MARCHF8: variants seen among roughly 807,000 people sequenced by gnomAD.
The protein encoded by MARCHF8 is membrane associated ring-CH-type finger 8, also known as E3 ubiquitin-protein ligase MARCHF8.
Under a neutral mutation model 51.6 loss-of-function variants are expected in MARCHF8, and 40 were observed. The ratio of observed to expected loss-of-function variants is 0.77; its 90% CI spans 0.60 to 1.01. The LOEUF (loss-of-function observed/expected upper bound fraction) is 1.01, where lower values mean the gene tolerates loss of function less well. Among genes scored for constraint, MARCHF8 ranks in the 50% least tolerant of loss-of-function variants. MARCHF8 has a pLI of 0.00. For synonymous variants in MARCHF8, 263 were observed against 280.3 expected (o/e 0.94, Z 0.62); for missense variants, 685 against 708.6 (o/e 0.97, Z 0.38).
intron 1 of MARCHF8, among the ~76,000 whole-genome samples, chr10:45,547,141 G>A (rs2044136095): frequency 6.6e-6 from 1 of 152,114 alleles, no homozygotes; most frequent in African/African-American, 2.4e-5. Context: ...AAGCAATGCT[G>A]AAAATAAGTG....
upstream of MARCHF8, among the ~76,000 whole-genome samples, chr10:45,536,352 C>T (rs1164193692): frequency 6.6e-6 from 1 of 151,800 alleles, no homozygotes; most frequent in African/African-American, 2.4e-5. Context: ...TAGCCACATG[C>T]AAAAGAAATT....
chr10:45,472,642 T>G (rs2042714049), intron 3 of MARCHF8, among the ~76,000 whole-genome samples: 1 of 152,086 alleles, frequency 6.6e-6, no homozygotes, highest in Non-Finnish European at 1.5e-5. Context: ...AGAATGAGAG[T>G]GAAAAATGGA....
At chr10:45,483,884 G>C (rs2042933149) in intron 3 of MARCHF8, among the ~76,000 whole-genome samples, 1 of 152,322 alleles carries the variant, frequency 6.6e-6, no homozygotes, top group African/African-American at 2.4e-5. Context: ...ATAGGTACTA[G>C]AGGCTGGGAA....
chr10:45,546,055 AT>A (rs1303288692), intron 1 of MARCHF8, among the ~76,000 whole-genome samples: 2 of 152,222 alleles, frequency 1.3e-5, no homozygotes, highest in Non-Finnish European at 2.9e-5. Flanking sequence ...TCTGATGCAA[AT>A]TTTGTTATTT....
At chr10:45,484,273 A>C (rs1253223378) in intron 3 of MARCHF8, among the ~76,000 whole-genome samples, 1 of 152,260 alleles carries the variant, frequency 6.6e-6, no homozygotes, top group Non-Finnish European at 1.5e-5. Flanking sequence ...AAAATGATTA[A>C]GCAAACAGCA....
At chr10:45,550,107 C>T (rs2044177952) in intron 1 of MARCHF8, among the ~76,000 whole-genome samples, 1 of 152,164 alleles carries the variant, frequency 6.6e-6, no homozygotes, top group Admixed American at 6.5e-5. Flanking sequence ...GTTTTCGCTG[C>T]TTTTTCCTCT....
At chr10:45,493,785 TTG>T (rs1387708414) in intron 2 of MARCHF8, among the ~76,000 whole-genome samples, 1 of 152,212 alleles carries the variant, frequency 6.6e-6, no homozygotes, top group Non-Finnish European at 1.5e-5. Flanking sequence ...TTTTGTTTGT[TTG>T]TTTTTAAGAC....
At chr10:45,510,994 A>C (rs2043489303) in intron 2 of MARCHF8, among the ~76,000 whole-genome samples, 1 of 152,204 alleles carries the variant, frequency 6.6e-6, no homozygotes. Context: ...GTTATGAAAA[A>C]ATGGATTTAT....
chr10:45,560,413 G>A (rs893241891), intron 1 of MARCHF8, among the ~76,000 whole-genome samples: 2 of 152,316 alleles, frequency 1.3e-5, no homozygotes, highest in Admixed American at 6.5e-5. Context: ...AGTTTACTTA[G>A]GCCTCCGAAC....
At chr10:45,541,708 C>T (rs2044055171) in intron 1 of MARCHF8, among the ~76,000 whole-genome samples, 1 of 151,580 alleles carries the variant, frequency 6.6e-6, no homozygotes, top group Non-Finnish European at 1.5e-5. Flanking sequence ...ATAAACATTA[C>T]AATCATATAA....
At chr10:45,503,086 T>C (rs1241272776) in intron 2 of MARCHF8, among the ~76,000 whole-genome samples, 1 of 152,222 alleles carries the variant, frequency 6.6e-6, no homozygotes, top group Non-Finnish European at 1.5e-5. Flanking sequence ...AGCAAAATAC[T>C]GATTCTAAAT....
At chr10:45,558,274 G>T (rs2044273883) in intron 1 of MARCHF8, among the ~76,000 whole-genome samples, 2 of 152,278 alleles carry the variant, frequency 1.3e-5, no homozygotes, top group South Asian at 4.1e-4. Context: ...AGGGGGCAGG[G>T]ATCTTGGGGA....
intron 1 of MARCHF8, among the ~76,000 whole-genome samples, chr10:45,572,613 G>C (rs532003152): frequency 6.6e-6 from 1 of 152,128 alleles, no homozygotes; most frequent in African/African-American, 2.4e-5. Context: ...TGACGTCCAG[G>C]CATTCTTTTA....
At chr10:45,538,972 T>C (rs1293162304), upstream of MARCHF8, among the ~76,000 whole-genome samples, 3 of 152,294 alleles carry the variant, frequency 2.0e-5, no homozygotes, top group South Asian at 2.1e-4. Context: ...GCGGACCTAA[T>C]AGACATCTAC....
chr10:45,480,593 T>C (rs2042868261), intron 3 of MARCHF8, among the ~76,000 whole-genome samples: 2 of 152,194 alleles, frequency 1.3e-5, no homozygotes, highest in South Asian at 4.1e-4. Flanking sequence ...AGCCAGGGTA[T>C]AGTTCAGGTC....
chr10:45,477,945 G>C (rs762732954), intron 3 of MARCHF8, among the ~76,000 whole-genome samples: 4 of 152,100 alleles, frequency 2.6e-5, no homozygotes, highest in Non-Finnish European at 4.4e-5. Context: ...TAAAGGGAGA[G>C]ACAGACTTCA....
intron 1 of MARCHF8, among the ~76,000 whole-genome samples, chr10:45,581,550 T>A (rs1281905732): frequency 6.6e-6 from 1 of 152,188 alleles, no homozygotes; most frequent in Non-Finnish European, 1.5e-5. Context: ...AATGCTTTTT[T>A]CCCCAAGGGC....
chr10:45,457,452 T>C lies in MARCHF8; in HGVS notation c.*787A>G, dbSNP rs1016640314. 2.4e-4 allele frequency: 36 copies of C among 152,536 alleles called. No homozygotes were observed. The highest frequency in any genetic ancestry group is 7.0e-4 in the African/African-American group (29 of 41,444). The allele number at this position is 152,536 out of a possible 1,614,324, so 9.4% of individuals were successfully genotyped here. ...ATTAAAAAAAAAGCCTCTGGCCTGC[T>C]TGTCCTGTCTTAAAAGTCATGAGTC... On this transcript the variant is annotated 3_prime_UTR_variant, in exon 8 of 8. Transcript: ENST00000453424.
At chr10:45,579,800 G>A (rs2044532177) in intron 1 of MARCHF8, among the ~76,000 whole-genome samples, 1 of 152,014 alleles carries the variant, frequency 6.6e-6, no homozygotes, top group South Asian at 2.1e-4. Context: ...GATTACCTGA[G>A]ATCAGGAGTT....
Sources: allele counts gnomAD v4.1 joint callset (sites outside exome capture counted in the v4.1 genomes callset), GRCh38; gene constraint gnomAD v4.1.1; transcripts MANE v1.5; gene names NCBI Gene and HGNC (gene_info 2026-07-23, HGNC 2026-07-21).